NLRP1: variants seen among roughly 807,000 people sequenced by gnomAD.
NLRP1 encodes NACHT, LRR and PYD domains-containing protein 1.
NLRP1 carries 94 observed loss-of-function variants against 136.7 expected under a neutral mutation model. That is an observed-to-expected ratio of 0.69 (90% CI 0.58 to 0.82). The LOEUF is 0.82. Among genes scored for constraint, NLRP1 ranks in the 40% least tolerant of loss-of-function variants. NLRP1 has a pLI of 0.00. For missense variants in NLRP1, 1,575 were observed against 1,802.7 expected, an observed-to-expected ratio of 0.87 and a Z score of 2.29; for synonymous variants, 690 against 725.1, an observed-to-expected ratio of 0.95 and a Z score of 0.78.
intron 5 of NLRP1, among the ~76,000 whole-genome samples, chr17:5,544,291 T>C (rs1331620893): frequency 6.6e-6 from 1 of 152,132 alleles, no homozygotes; most frequent in African/African-American, 2.4e-5. Context: ...CCTTTCTCGA[T>C]TTGGGCTGGC....
At chr17:5,534,374 A>G (rs1272342039) in intron 8 of NLRP1, among the ~76,000 whole-genome samples, 1 of 152,056 alleles carries the variant, frequency 6.6e-6, no homozygotes, top group Non-Finnish European at 1.5e-5. Flanking sequence ...GTCTCAAACA[A>G]AACAAAACAA....
rs955898466 is a variant in NLRP1 at position 5,541,080 on chromosome 17, T to G, written c.2699+777A>C. Reference sequence around the variant, plus strand: ...TCTTTTTTAAGAAGGAGTCTCGCTCTGTTGCCCAGGCTGGAGTGTAATGAG... The same window carrying G: ...TCTTTTTTAAGAAGGAGTCTCGCTCGGTTGCCCAGGCTGGAGTGTAATGAG... On this transcript the variant is annotated intron_variant, in intron 6 of 16. Transcript: ENST00000572272. This position sits in a 1 kb window ranked among gnomAD's most constrained non-coding sequence, Gnocchi z 4.2. Among the ~76,000 whole-genome samples the G allele has an allele frequency of 1.3e-5, 2 of 152,312 alleles. No individual in the cohort carries two copies. The highest frequency in any genetic ancestry group is 2.9e-5 in the Non-Finnish European group (2 of 68,018).
At chr17:5,579,401 C>T (rs1367776234) in intron 3 of NLRP1, among the ~76,000 whole-genome samples, 6 of 151,994 alleles carry the variant, frequency 3.9e-5, no homozygotes, top group African/African-American at 1.2e-4. Flanking sequence ...TACTATTCTA[C>T]ACCAGTCAGA....
At chr17:5,533,551 G>GC (rs71151870) in intron 9 of NLRP1, among the ~76,000 whole-genome samples, 167 bp from the exon 10 acceptor site, 5 of 90,018 alleles carry the variant, frequency 5.6e-5, no homozygotes, top group African/African-American at 2.2e-4. Flanking sequence ...GTGAGACTCT[G>GC]TTTTTTTTTT....
At position 5,514,872 on chromosome 17, in the gene NLRP1, G is replaced by T; in HGVS notation, c.4304C>A (p.Ser1435Tyr). 1 of 1,614,146 alleles carries T rather than the reference G, an allele frequency of 6.2e-7. No homozygotes were observed. The highest frequency in any genetic ancestry group is 8.5e-7 in the Non-Finnish European group (1 of 1,180,032). ...QMRKLFSLSQ[S>Y]WDRKCKDGLY... is the part of the protein sequence containing the mutation. ...TCCATCTTTGCACTTCCGGTCCCAG[G>T]ACTGGCTCAAGCTGAACAGCTTCCG... The change falls in exon 17 of 17, where the codon TCC (serine) becomes TAC (tyrosine). Residue 1435 changes from serine (S) to tyrosine (Y), a missense_variant. Transcript: ENST00000572272.
rs571505344 is a variant in NLRP1 at position 5,554,311 on chromosome 17, C to T, written c.2358-755G>A. On this transcript the variant is annotated intron_variant, in intron 4 of 16. Transcript: ENST00000572272. ...AGACTCCGACTCATGGAATTTCCACCCATTTAATCTGTTTTCACACACTAC... is the reference window on the plus strand; with the variant it reads ...AGACTCCGACTCATGGAATTTCCACTCATTTAATCTGTTTTCACACACTAC... 2.0e-5 allele frequency among the ~76,000 whole-genome samples: 3 copies of T among 152,270 alleles called. No individual in the cohort carries two copies. In the East Asian group the frequency reaches 5.8e-4, roughly 29 times the overall value.
intron 15 of NLRP1, chr17:5,502,016 G>A (rs1158155089): frequency 4.3e-6 from 3 of 702,456 alleles, no homozygotes; most frequent in South Asian, 3.2e-5. Context: ...GAAAGGCCCC[G>A]GGGTGAACCA....
At chr17:5,554,457 C>G (rs1913782247) in intron 4 of NLRP1, among the ~76,000 whole-genome samples, 1 of 152,156 alleles carries the variant, frequency 6.6e-6, no homozygotes, top group South Asian at 2.1e-4. Flanking sequence ...ATTCTTTGAT[C>G]TAATTTGTCC....
chr17:5,558,223 A>T, intron 4 of NLRP1, 116 bp downstream of exon 4: 1 of 1,110,216 alleles, frequency 9.0e-7, no homozygotes, highest in Non-Finnish European at 1.3e-6. Context: ...GGAGACCCTG[A>T]TCCTTTAGCC....
At chr17:5,574,927 A>G in intron 3 of NLRP1, among the ~76,000 whole-genome samples, 1 of 152,048 alleles carries the variant, frequency 6.6e-6, no homozygotes, top group East Asian at 1.9e-4. Context: ...GCCTCCCAAA[A>G]TGCTGGGATT....
chr17:5,533,001 G>A lies in NLRP1; in HGVS notation c.3134-17C>T. On this transcript the variant is annotated splice_polypyrimidine_tract_variant and intron_variant, in intron 10 of 16. Coordinates refer to ENST00000572272, the MANE Select transcript of NLRP1 (RefSeq NM_033004.4). ...AGCTTTCCTCTGAAACAGCAAGGCA[G>A]CGGTCAGCTCCAGATTCTCCCGCCT... 6.2e-7 allele frequency: 1 copy of A among 1,606,398 alleles called. No individual in the cohort carries two copies. Among genetic ancestry groups the A allele is most frequent in the African/African-American group, 1.3e-5 (1 of 74,716 alleles).
intron 3 of NLRP1, among the ~76,000 whole-genome samples, chr17:5,570,534 G>A (rs1011076538): frequency 2.0e-5 from 3 of 151,840 alleles, no homozygotes; most frequent in Non-Finnish European, 2.9e-5. Context: ...TCCTAGGACT[G>A]AACCAGGAAG....
rs1241064729 is a variant in NLRP1 at position 5,533,333 on chromosome 17, C to T, written c.3104G>A (p.Ser1035Asn). The T allele has an allele frequency of 1.3e-6, 2 of 1,508,452 alleles. No homozygotes were observed. Among genetic ancestry groups the T allele is most frequent in the African/African-American group, 2.8e-5 (2 of 72,112 alleles). The allele number at this position is 1,508,452 out of a possible 1,614,324, so 93.4% of individuals were successfully genotyped here. A position where few individuals can be genotyped will look rare whatever the true frequency, so the allele number is the denominator to read the frequency against. ...AQANLKLLDVSKIFPIAEIAE... is the reference protein window; with the variant it reads ...AQANLKLLDVNKIFPIAEIAE... Reference sequence around the variant, plus strand: ...AATCTCAGCAATTGGGAAGATCTTGCTCACGTCCAGGAGTTTGAGATTAGC... The same window carrying T: ...AATCTCAGCAATTGGGAAGATCTTGTTCACGTCCAGGAGTTTGAGATTAGC... The change falls in exon 10 of 17, where the codon AGC (serine) becomes AAC (asparagine). Residue 1035 changes from serine to asparagine, a missense_variant. Transcript: ENST00000572272.
chr17:5,529,676 A>C (rs1909997694), intron 12 of NLRP1, among the ~76,000 whole-genome samples: 1 of 144,778 alleles, frequency 6.9e-6, no homozygotes, highest in South Asian at 2.2e-4. Flanking sequence ...TTGTTTTTTC[A>C]TTTTTTTTAG....
Position 5,533,966 on chromosome 17 carries a change from T to A in NLRP1, c.2983A>T (p.Thr995Ser), listed in dbSNP as rs1347891113. ...SRRKPSVMTP[T>S]EGLDTGEMSN... is the part of the protein sequence containing the mutation. ...ATCTCTCCCGTATCCAGGCCCTCAG[T>A]AGGGGTCATCACACTTGGTTTCCTG... The change falls in exon 9 of 17, where the codon ACT (threonine) becomes TCT (serine). Residue 995 changes from threonine to serine, a missense_variant. Transcript: ENST00000572272. 1 of 1,612,188 alleles carries A rather than the reference T, an allele frequency of 6.2e-7. No homozygotes were observed. The highest frequency in any genetic ancestry group is 8.5e-7 in the Non-Finnish European group (1 of 1,178,412).
At chr17:5,522,601 G>C (rs1488160760) in intron 12 of NLRP1, among the ~76,000 whole-genome samples, 2 of 152,216 alleles carry the variant, frequency 1.3e-5, no homozygotes, top group Non-Finnish European at 2.9e-5. Flanking sequence ...ATGGGGAAGA[G>C]GGCATTTCTA....
In NLRP1 at chr17:5,568,855, AG is replaced by A. The variant is rs1915588502; in HGVS notation, c.653-8813del. Among the ~76,000 whole-genome samples, 3 of 152,272 alleles carry A rather than the reference AG, an allele frequency of 2.0e-5. No individual in the cohort carries two copies. The South Asian group carries it at 6.2e-4, about 32-fold the overall frequency. On this transcript the variant is annotated intron_variant, in intron 3 of 16. Coordinates refer to ENST00000572272, the MANE Select transcript of NLRP1 (RefSeq NM_033004.4). ...ATCTGGTTGAATTATCTAGGTTACCAGGCAGAGACTCTTGTTCTCTTTCCTT... is the reference window on the plus strand; with the variant it reads ...ATCTGGTTGAATTATCTAGGTTACCAGCAGAGACTCTTGTTCTCTTTCCTT...
chr17:5,550,306 T>C (rs1913176626), intron 5 of NLRP1, among the ~76,000 whole-genome samples: 1 of 152,232 alleles, frequency 6.6e-6, no homozygotes, highest in Non-Finnish European at 1.5e-5. Context: ...TAGAATTCAC[T>C]AGTAAAGCCA....
chr17:5,535,858 G>A (rs181428652), intron 8 of NLRP1, among the ~76,000 whole-genome samples: 16 of 152,330 alleles, frequency 1.1e-4, no homozygotes, highest in African/African-American at 2.2e-4. Context: ...CAGATTCCTC[G>A]GGGAAGGGAA....
Sources: allele counts gnomAD v4.1 joint callset (sites outside exome capture counted in the v4.1 genomes callset), GRCh38; gene constraint gnomAD v4.1.1; non-coding constraint Gnocchi (gnomAD v3.1); transcripts MANE v1.5; gene names NCBI Gene and HGNC (gene_info 2026-07-23, HGNC 2026-07-21).